The following TMCC1 variants were observed in gnomAD, a reference collection of about 807,000 sequenced individuals.
TMCC1 encodes the protein transmembrane and coiled-coil domain family 1.
In TMCC1, 15 loss-of-function variants were observed where a neutral mutation model predicts 52.4. The observed-to-expected ratio is 0.29, with a 90% CI of 0.19 to 0.44. The LOEUF (loss-of-function observed/expected upper bound fraction) is 0.44, where lower values mean the gene tolerates loss of function less well. Among genes scored for constraint, TMCC1 ranks in the 20% least tolerant of loss-of-function variants. The pLI is 1.00. For synonymous variants in TMCC1, 279 were observed against 301.9 expected, an observed-to-expected ratio of 0.92 and a Z score of 0.79; for missense variants, 503 against 806.0, an observed-to-expected ratio of 0.62 and a Z score of 4.55.
At position 129,767,250 on chromosome 3, in the gene TMCC1, C is replaced by T. The variant is rs560016640; in HGVS notation, c.576+60553G>A. Among the ~76,000 whole-genome samples the T allele has an allele frequency of 4.3e-5, 6 of 140,442 alleles. No homozygotes were observed. In the East Asian group the frequency reaches 6.1e-4, roughly 14 times the overall value. The allele number at this position is 140,442 out of a possible 152,430, so 92.1% of individuals were successfully genotyped here. On this transcript the variant is annotated intron_variant, in intron 4 of 6. Transcript: ENST00000393238. ...TACTCCAGCCTGGGCGACAGTGAGACGCTGTCTTTAAAAAAAAAAAAAAAA... is the reference window on the plus strand; with the variant it reads ...TACTCCAGCCTGGGCGACAGTGAGATGCTGTCTTTAAAAAAAAAAAAAAAA...
Position 129,864,793 on chromosome 3 carries a change from C to A in TMCC1, c.-184+15516G>T, listed in dbSNP as rs528137737. On this transcript the variant is annotated intron_variant, in intron 2 of 6. Coordinates refer to ENST00000393238, the MANE Select transcript of TMCC1 (RefSeq NM_001017395.5). The stretch of plus-strand genomic sequence containing the variant: ...ACTGTCAATTAGGTTATGGTCAGTA[C>A]CTTCTTTTTTTTCCTGTAGTAAAAT... Among the ~76,000 whole-genome samples, 89 of 152,288 alleles carry A rather than the reference C, an allele frequency of 5.8e-4. 2 individuals carry two copies. The South Asian group carries it at 0.018, about 30-fold the overall frequency.
At chr3:129,827,483 T>C (rs2058708199) in intron 4 of TMCC1, among the ~76,000 whole-genome samples, 2 of 152,044 alleles carry the variant, frequency 1.3e-5, no homozygotes, top group Non-Finnish European at 2.9e-5. Context: ...ATCAAAACAA[T>C]AAGAAACAAA....
intron 4 of TMCC1, among the ~76,000 whole-genome samples, chr3:129,754,042 C>T (rs2052771701): frequency 6.6e-6 from 1 of 151,896 alleles, no homozygotes; most frequent in South Asian, 2.1e-4. Flanking sequence ...GGTCACAGGA[C>T]ACAAGGTCAA....
At chr3:129,858,937 G>T (rs1282859459) in intron 2 of TMCC1, among the ~76,000 whole-genome samples, 2 of 152,170 alleles carry the variant, frequency 1.3e-5, no homozygotes, top group African/African-American at 2.4e-5. Context: ...TTTTAAATAA[G>T]TGATTACCTT....
intron 4 of TMCC1, among the ~76,000 whole-genome samples, chr3:129,770,856 C>CT (rs1487888633): frequency 2.0e-5 from 3 of 152,132 alleles, no homozygotes; most frequent in Non-Finnish European, 4.4e-5. Context: ...AAGAAAAAGA[C>CT]TGAGTACAGT....
chr3:129,686,395 C>G (rs181393283), intron 4 of TMCC1, among the ~76,000 whole-genome samples: 1 of 152,160 alleles, frequency 6.6e-6, no homozygotes, highest in Non-Finnish European at 1.5e-5. Context: ...AGCCACCATG[C>G]CTGACCTAGA....
At chr3:129,850,445 A>C (rs139294487) in intron 2 of TMCC1, among the ~76,000 whole-genome samples, 14 of 152,292 alleles carry the variant, frequency 9.2e-5, no homozygotes. Context: ...CTTGCATCCA[A>C]AATATTAGAA....
intron 4 of TMCC1, among the ~76,000 whole-genome samples, chr3:129,751,332 C>T (rs1237415154): frequency 6.6e-6 from 1 of 152,090 alleles, no homozygotes; most frequent in Non-Finnish European, 1.5e-5. Flanking sequence ...GAATTCAGGA[C>T]AAGCCTGGGC....
At chr3:129,815,620 C>T (rs1487273189) in intron 4 of TMCC1, among the ~76,000 whole-genome samples, 1 of 152,122 alleles carries the variant, frequency 6.6e-6, no homozygotes, top group Non-Finnish European at 1.5e-5. Context: ...CAACTTAAAT[C>T]TAAGACTGGA....
intron 4 of TMCC1, among the ~76,000 whole-genome samples, chr3:129,777,801 A>C (rs1012439585): frequency 6.6e-6 from 1 of 152,242 alleles, no homozygotes; most frequent in African/African-American, 2.4e-5. Context: ...CAGAATAAAC[A>C]GATTCCTCAG....
At chr3:129,744,841 AAAG>A (rs1172031211) in intron 4 of TMCC1, among the ~76,000 whole-genome samples, 3 of 152,226 alleles carry the variant, frequency 2.0e-5, no homozygotes, top group Non-Finnish European at 2.9e-5. Context: ...GAGAGGTAAT[AAAG>A]AAGGATTTCA....
At chr3:129,806,568 A>T (rs1287243053) in intron 4 of TMCC1, among the ~76,000 whole-genome samples, 2 of 152,330 alleles carry the variant, frequency 1.3e-5, no homozygotes, top group East Asian at 3.9e-4. Context: ...TACCATTTTA[A>T]TGCCTCTCTC....
rs1310260230 is a variant in TMCC1 at position 129,778,048 on chromosome 3, A to G, written c.576+49755T>C. On this transcript the variant is annotated intron_variant, in intron 4 of 6. Transcript: ENST00000393238. ...AGGCTCCAGTGATATCTTCCGGCCA[A>G]AGGAAAATTATTTTCCTTGCTTCTC... is the stretch of plus-strand genomic sequence containing the variant. Among the ~76,000 whole-genome samples, 5 of 152,298 alleles carry G rather than the reference A, an allele frequency of 3.3e-5. No homozygotes were observed. In the East Asian group the frequency reaches 7.7e-4, roughly 24 times the overall value.
chr3:129,723,549 A>AT (rs767215508), intron 4 of TMCC1, among the ~76,000 whole-genome samples: 1 of 151,906 alleles, frequency 6.6e-6, no homozygotes, highest in Non-Finnish European at 1.5e-5. Context: ...AGAAACACTG[A>AT]TTTTCCAGTA....
intron 2 of TMCC1, among the ~76,000 whole-genome samples, chr3:129,856,639 A>G (rs771563336): frequency 1.5e-4 from 23 of 152,236 alleles, no homozygotes; most frequent in Non-Finnish European, 2.6e-4. Flanking sequence ...AATGTTATAC[A>G]ACGTCATGAA....
chr3:129,803,975 T>C (rs2057327766), intron 4 of TMCC1, among the ~76,000 whole-genome samples: 1 of 152,196 alleles, frequency 6.6e-6, no homozygotes, highest in Non-Finnish European at 1.5e-5. Context: ...TGTTCTCAGG[T>C]GGTATTCCTT....
chr3:129,681,286 G>C (rs1191661937), intron 4 of TMCC1, among the ~76,000 whole-genome samples: 5 of 152,106 alleles, frequency 3.3e-5, no homozygotes, highest in African/African-American at 1.2e-4. Context: ...TCATTTCCAA[G>C]AGGGCAGAAA....
intron 4 of TMCC1, among the ~76,000 whole-genome samples, chr3:129,694,762 A>G (rs1463334285): frequency 6.6e-6 from 1 of 152,146 alleles, no homozygotes; most frequent in Admixed American, 6.5e-5. Context: ...GCATATAATC[A>G]AGAAATAACC....
At chr3:129,833,111 A>G (rs1167264649) in intron 2 of TMCC1, among the ~76,000 whole-genome samples, 1 of 152,246 alleles carries the variant, frequency 6.6e-6, no homozygotes, top group Admixed American at 6.5e-5. Flanking sequence ...GAAGCAATAA[A>G]TATTTTAACA....
Sources: allele counts gnomAD v4.1 joint callset (sites outside exome capture counted in the v4.1 genomes callset), GRCh38; gene constraint gnomAD v4.1.1; transcripts MANE v1.5; gene names NCBI Gene and HGNC (gene_info 2026-07-23, HGNC 2026-07-21).